Variants in DNAH11 observed in about 807,000 individuals in gnomAD.
DNAH11 encodes dynein axonemal heavy chain 11.
A neutral mutation model predicts 526.0 loss-of-function variants in DNAH11; 442 were observed. That is an observed-to-expected ratio of 0.84 (90% CI 0.78 to 0.91). The LOEUF is 0.91. Among genes scored for constraint, DNAH11 ranks in the 40% least tolerant of loss-of-function variants. DNAH11 has a pLI of 0.00. For missense variants in DNAH11, 6,989 were observed against 5,448.7 expected (o/e 1.28, Z -8.90); for synonymous variants, 2,461 against 1,935.9 (o/e 1.27, Z -7.12).
intron 28 of DNAH11, 114 bp downstream of exon 28, chr7:21,639,179 T>C (rs1787010787): frequency 7.6e-7 from 1 of 1,310,340 alleles, no homozygotes; most frequent in East Asian, 2.5e-5. Context: ...AACTAGAAAA[T>C]CTGCAGTTAA....
chr7:21,738,755 G>A lies in DNAH11; in HGVS notation c.7700G>A (p.Gly2567Glu), dbSNP rs746294001. The change falls in exon 47 of 82, where the codon GGA becomes GAA. Residue 2567 changes from glycine to glutamate, a missense_variant. Gly to Glu is a moderately conservative substitution (Grantham distance 98). Transcript: ENST00000409508. ...KKAGHNYGPGGNKKLIYFIDD... is the reference protein window; with the variant it reads ...KKAGHNYGPGENKKLIYFIDD... ...GCTGGTCATAACTATGGTCCTGGAG[G>A]AAATAAAAAATTGATTTATTTTATC... The A allele has an allele frequency of 1.5e-5, 24 of 1,588,570 alleles. No homozygotes were observed. The highest frequency in any genetic ancestry group is 2.1e-5 in the Non-Finnish European group (24 of 1,166,668).
At chr7:21,676,127 G>C (rs539298879) in intron 30 of DNAH11, among the ~76,000 whole-genome samples, 3 of 152,142 alleles carry the variant, frequency 2.0e-5, no homozygotes, top group Non-Finnish European at 4.4e-5. Flanking sequence ...TTGTGCTCCA[G>C]GAACAAAAGT....
intron 65 of DNAH11, among the ~76,000 whole-genome samples, chr7:21,833,832 GC>G (rs1781885598): frequency 6.6e-6 from 1 of 152,006 alleles, no homozygotes; most frequent in Non-Finnish European, 1.5e-5. Context: ...AGAACCCTAG[GC>G]CCTAATGACA....
At chr7:21,749,572 A>C in intron 52 of DNAH11, 106 bp from the exon 53 acceptor site, 1 of 1,447,252 alleles carries the variant, frequency 6.9e-7, no homozygotes. Context: ...GGCACCCCAC[A>C]GTGCTATGGC....
In DNAH11 at chr7:21,893,262, G is replaced by A. The variant is rs112826873; in HGVS notation, c.12750+595G>A. Among the ~76,000 whole-genome samples the A allele has an allele frequency of 1.9e-4, 29 of 152,350 alleles. 1 individual carries two copies. Among genetic ancestry groups the A allele is most frequent in the African/African-American group, 7.0e-4 (29 of 41,576 alleles). On this transcript the variant is annotated intron_variant, in intron 77 of 81. Transcript: ENST00000409508. ...GTAGCTTTAATAGTATTCCCAATCA[G>A]TTTTCTCCAGTGGCTGTACCAGTTA...
intron 45 of DNAH11, among the ~76,000 whole-genome samples, chr7:21,730,643 G>A (rs1785337926): frequency 6.6e-6 from 1 of 152,148 alleles, no homozygotes; most frequent in Non-Finnish European, 1.5e-5. Context: ...TTTAAAAGTT[G>A]AACTCATAGA....
rs1172253585 is a variant in DNAH11, at chr7:21,698,222, T to C, written c.6180+9T>C. On this transcript the variant is annotated intron_variant, in intron 36 of 81. Coordinates refer to ENST00000409508, the MANE Select transcript of DNAH11 (RefSeq NM_001277115.2). ...AGCTTCTCTCCAAGCAGGTGAGGGA[T>C]CATTTGTTACGTTTTCTTGTTTTTA... 8.7e-6 allele frequency: 14 copies of C among 1,612,578 alleles called. 1 individual carries two copies. The African/African-American group carries it at 9.3e-5, about 11-fold the overall frequency.
At chr7:21,547,213 G>T (rs4722038) in intron 2 of DNAH11, among the ~76,000 whole-genome samples, 151,939 of 152,382 alleles carry the variant, frequency 1, 75,749 homozygotes, top group East Asian at 1. Context: ...TTTGAGTTAC[G>T]AATTGCTTTC....
At chr7:21,833,635 C>T (rs775080422) in intron 65 of DNAH11, among the ~76,000 whole-genome samples, 3 of 152,074 alleles carry the variant, frequency 2.0e-5, no homozygotes, top group East Asian at 1.9e-4. Context: ...GTAGAGGTTG[C>T]AGTGAGCCAA....
chr7:21,649,834 T>G (rs1280893999), intron 28 of DNAH11, among the ~76,000 whole-genome samples: 1 of 151,996 alleles, frequency 6.6e-6, no homozygotes, highest in Non-Finnish European at 1.5e-5. Flanking sequence ...GCCAGCTAAT[T>G]TTTGTATTTT....
Position 21,600,787 on chromosome 7 carries a change from A to G in DNAH11, c.3112A>G (p.Thr1038Ala), listed in dbSNP as rs10224537. 1,321,042 of 1,613,570 alleles carry G rather than the reference A, an allele frequency of 0.82. 543,034 individuals are homozygous for G. Among genetic ancestry groups the G allele is most frequent in the Non-Finnish European group, 0.84 (993,545 of 1,179,788 alleles). The change falls in exon 16 of 82, where the codon ACT (threonine) becomes GCT (alanine). Residue 1038 changes from threonine to alanine, a missense_variant. Thr to Ala is a moderately conservative substitution (Grantham distance 58). Transcript: ENST00000409508. Reference sequence around the variant, plus strand: ...TTTCAGAAACACCCTGGAGACCCACACTTACCTCTGGGTGGATGATCGAGC... The same window carrying G: ...TTTCAGAAACACCCTGGAGACCCACGCTTACCTCTGGGTGGATGATCGAGC... Reference protein sequence around the residue: ...LDFRNTLETHTYLWVDDRAEF... With the variant: ...LDFRNTLETHAYLWVDDRAEF...
At chr7:21,588,705 G>C (rs1784562972) in intron 11 of DNAH11, 69 bp downstream of exon 11, 2 of 1,553,578 alleles carry the variant, frequency 1.3e-6, no homozygotes, top group African/African-American at 1.4e-5. Context: ...ATAAGAGAGT[G>C]AGCTGTTCAT....
chr7:21,815,633 T>C (rs1562563015), intron 63 of DNAH11, among the ~76,000 whole-genome samples: 1 of 152,102 alleles, frequency 6.6e-6, no homozygotes, highest in Non-Finnish European at 1.5e-5. Context: ...CCCACCAAGC[T>C]AGGGGGCTAG....
rs189692218 is a variant in DNAH11 at position 21,753,727 on chromosome 7, C to T, written c.8940+3363C>T. 3.9e-5 allele frequency among the ~76,000 whole-genome samples: 6 copies of T among 152,092 alleles called. No homozygotes were observed. In the East Asian group the frequency reaches 1.2e-3, roughly 29 times the overall value. Reference sequence around the variant, plus strand: ...AGCATTGCACTATAAATTAGTAAAGCTTTATCATTTATTTTCATTTCCAAT... The same window carrying T: ...AGCATTGCACTATAAATTAGTAAAGTTTTATCATTTATTTTCATTTCCAAT... On this transcript the variant is annotated intron_variant, in intron 54 of 81. Coordinates refer to ENST00000409508, the MANE Select transcript of DNAH11 (RefSeq NM_001277115.2).
chr7:21,799,142 A>G (rs1188395811), intron 61 of DNAH11, among the ~76,000 whole-genome samples: 1 of 152,130 alleles, frequency 6.6e-6, no homozygotes, highest in Non-Finnish European at 1.5e-5. Flanking sequence ...TATTAATTCC[A>G]TTTTTAAGAT....
intron 56 of DNAH11, among the ~76,000 whole-genome samples, chr7:21,774,437 T>C (rs1787575772): frequency 6.6e-6 from 1 of 152,086 alleles, no homozygotes; most frequent in Non-Finnish European, 1.5e-5. Flanking sequence ...GTTCCTCCCT[T>C]AGTGACTTGT....
intron 9 of DNAH11, among the ~76,000 whole-genome samples, chr7:21,587,023 C>T (rs1784498245): frequency 6.6e-6 from 1 of 152,194 alleles, no homozygotes; most frequent in South Asian, 2.1e-4. Flanking sequence ...GTAATAATAA[C>T]AGCACTTTTA....
intron 20 of DNAH11, 104 bp downstream of exon 20, chr7:21,606,837 T>G: frequency 9.7e-7 from 1 of 1,029,294 alleles, no homozygotes; most frequent in Non-Finnish European, 1.4e-6. Flanking sequence ...TTTGCTGTTA[T>G]AGGAATTGAT....
chr7:21,775,695 A>G (rs1197484197), intron 56 of DNAH11, among the ~76,000 whole-genome samples: 3 of 151,556 alleles, frequency 2.0e-5, no homozygotes, highest in African/African-American at 7.3e-5. Flanking sequence ...GCCCCTCTCC[A>G]TGTCAGTTTT....
Sources: allele counts gnomAD v4.1 joint callset (sites outside exome capture counted in the v4.1 genomes callset), GRCh38; gene constraint gnomAD v4.1.1; transcripts MANE v1.5; gene names NCBI Gene and HGNC (gene_info 2026-07-23, HGNC 2026-07-21).